RSPO2: variants seen among roughly 807,000 people sequenced by gnomAD.
RSPO2 encodes R-spondin 2.
A neutral mutation model predicts 30.9 loss-of-function variants in RSPO2; 14 were observed. That is an observed-to-expected ratio of 0.45 (90% CI 0.30 to 0.71). The LOEUF (loss-of-function observed/expected upper bound fraction) is 0.71. Among genes scored for constraint, RSPO2 ranks in the 30% least tolerant of loss-of-function variants. RSPO2 has a pLI of 0.08. For missense variants in RSPO2, 264 were observed against 301.9 expected (o/e 0.87, Z 0.93); for synonymous variants, 107 against 96.4 (o/e 1.11, Z -0.64).
At chr8:108,047,431 C>T (rs1489777614) in intron 2 of RSPO2, among the ~76,000 whole-genome samples, 1 of 152,182 alleles carries the variant, frequency 6.6e-6, no homozygotes, top group Non-Finnish European at 1.5e-5. Context: ...CATATATGCT[C>T]TTCAAAATAC....
chr8:108,046,432 G>A (rs1306540302), intron 2 of RSPO2, among the ~76,000 whole-genome samples: 1 of 152,030 alleles, frequency 6.6e-6, no homozygotes, highest in Non-Finnish European at 1.5e-5. Flanking sequence ...TTCAGTGGTA[G>A]ACTAAACCAT....
intron 2 of RSPO2, among the ~76,000 whole-genome samples, chr8:108,077,395 A>T (rs1401864739): frequency 2.0e-5 from 3 of 152,136 alleles, no homozygotes; most frequent in East Asian, 3.9e-4. Flanking sequence ...CTGATCCAGA[A>T]GGGTCCTAGA....
rs145529373 is a variant in RSPO2 at position 107,955,584 on chromosome 8, CAAAT to C, written c.616+2492_616+2495del. ...TTTGATTTTTTTTAAAAAAAGAAAG[CAAAT>C]AAGCATATAACAGTTAAGGAAAAAC... is the stretch of plus-strand genomic sequence containing the variant. On this transcript the variant is annotated intron_variant, in intron 5 of 5. Transcript: ENST00000276659. Among the ~76,000 whole-genome samples the C allele has an allele frequency of 6.9e-3, 1,047 of 151,456 alleles. 8 individuals are homozygous for C. The highest frequency in any genetic ancestry group is 0.024 in the African/African-American group (989 of 41,348).
At chr8:107,920,619 A>G (rs1023812775) in intron 5 of RSPO2, among the ~76,000 whole-genome samples, 1 of 152,152 alleles carries the variant, frequency 6.6e-6, no homozygotes, top group Non-Finnish European at 1.5e-5. Context: ...ATTTGAGTAC[A>G]TTGATTGATT....
At chr8:107,993,130 T>C (rs1814906669) in intron 2 of RSPO2, among the ~76,000 whole-genome samples, 2 of 152,120 alleles carry the variant, frequency 1.3e-5, no homozygotes, top group Admixed American at 6.5e-5. Context: ...ACAGAAGACT[T>C]GAGAAGGAAG....
At chr8:107,975,795 T>C (rs1814185545) in intron 3 of RSPO2, among the ~76,000 whole-genome samples, 1 of 152,240 alleles carries the variant, frequency 6.6e-6, no homozygotes, top group South Asian at 2.1e-4. Context: ...TTTCTAGATA[T>C]ACGGTTTTAT....
chr8:107,996,132 A>G (rs369806397), intron 2 of RSPO2, among the ~76,000 whole-genome samples: 1 of 152,276 alleles, frequency 6.6e-6, no homozygotes, highest in East Asian at 1.9e-4. Flanking sequence ...GAGATGGGAA[A>G]AGCTGGAGAA....
At chr8:107,944,430 T>G (rs1483977744) in intron 5 of RSPO2, among the ~76,000 whole-genome samples, 1 of 152,166 alleles carries the variant, frequency 6.6e-6, no homozygotes, top group Non-Finnish European at 1.5e-5. Context: ...TGGTATATCA[T>G]AGAATCTTGC....
intron 3 of RSPO2, among the ~76,000 whole-genome samples, chr8:107,987,654 C>T (rs1379179413): frequency 8.5e-5 from 13 of 152,172 alleles, no homozygotes; most frequent in Admixed American, 6.6e-5. Context: ...AACTGCATTG[C>T]CAAAATGCCA....
chr8:108,063,566 T>C (rs1471850732), intron 2 of RSPO2, among the ~76,000 whole-genome samples: 2 of 151,798 alleles, frequency 1.3e-5, no homozygotes, highest in African/African-American at 4.9e-5. Flanking sequence ...TCCATGCTCA[T>C]GGACAGGAAG....
intron 3 of RSPO2, among the ~76,000 whole-genome samples, chr8:107,977,514 G>C (rs1387424628): frequency 6.6e-6 from 1 of 152,184 alleles, no homozygotes; most frequent in Non-Finnish European, 1.5e-5. Context: ...CTTTGGGAAT[G>C]ATGGAGATGG....
intron 2 of RSPO2, among the ~76,000 whole-genome samples, chr8:108,043,742 C>A (rs1295351666): frequency 2.0e-5 from 3 of 151,914 alleles, no homozygotes; most frequent in Non-Finnish European, 2.9e-5. Flanking sequence ...AGGCAAGAAG[C>A]AAAGGAATGT....
intron 4 of RSPO2, among the ~76,000 whole-genome samples, chr8:107,958,645 G>C (rs534243514): frequency 4.6e-5 from 7 of 152,206 alleles, no homozygotes; most frequent in African/African-American, 1.7e-4. Context: ...CCATCACCCA[G>C]GTATTAAGCC....
At chr8:107,929,316 G>A (rs1051649732) in intron 5 of RSPO2, among the ~76,000 whole-genome samples, 6 of 152,204 alleles carry the variant, frequency 3.9e-5, no homozygotes, top group Non-Finnish European at 4.4e-5. Flanking sequence ...AAACAAATGT[G>A]TAGAGGAGAT....
intron 2 of RSPO2, among the ~76,000 whole-genome samples, chr8:108,073,798 A>C (rs1212134099): frequency 1.3e-5 from 2 of 152,230 alleles, no homozygotes; most frequent in Non-Finnish European, 2.9e-5. Context: ...AAATCTTGAG[A>C]CAGTGCTTCC....
At chr8:107,963,495 G>T (rs1165219288) in intron 3 of RSPO2, among the ~76,000 whole-genome samples, 1 of 113,044 alleles carries the variant, frequency 8.8e-6, no homozygotes, top group African/African-American at 3.4e-5. Flanking sequence ...CTGCACTCTA[G>T]CTTAGGCAAT....
intron 5 of RSPO2, among the ~76,000 whole-genome samples, chr8:107,905,198 C>T (rs975287910): frequency 3.9e-5 from 6 of 152,202 alleles, no homozygotes; most frequent in South Asian, 2.1e-4. Flanking sequence ...AGGTAAGAAT[C>T]TTTCCATCAC....
chr8:107,903,360 G>A (rs745656837), intron 5 of RSPO2, among the ~76,000 whole-genome samples: 31 of 152,172 alleles, frequency 2.0e-4, no homozygotes, highest in Non-Finnish European at 1.9e-4. Context: ...AGAAAGCTTC[G>A]TGTAAATTAT....
intron 2 of RSPO2, among the ~76,000 whole-genome samples, chr8:108,022,124 C>T (rs1244096742): frequency 6.6e-6 from 1 of 152,068 alleles, no homozygotes; most frequent in East Asian, 1.9e-4. Context: ...TTTAGGTGGT[C>T]ACCTCCCCAC....
Sources: allele counts gnomAD v4.1 joint callset (sites outside exome capture counted in the v4.1 genomes callset), GRCh38; gene constraint gnomAD v4.1.1; transcripts MANE v1.5; gene names NCBI Gene and HGNC (gene_info 2026-07-23, HGNC 2026-07-21).